Variants in GRIA3 observed in about 807,000 individuals in gnomAD.
GRIA3 encodes the protein glutamate ionotropic receptor AMPA type subunit 3.
A neutral mutation model predicts 63.0 loss-of-function variants in GRIA3; 3 were observed. The observed-to-expected ratio is 0.05, with a 90% CI of 0.02 to 0.12. The LOEUF (loss-of-function observed/expected upper bound fraction) is 0.12, where lower values mean the gene tolerates loss of function less well. GRIA3 is among the 10% of genes least tolerant of loss of function. The pLI, the probability that GRIA3 is intolerant of heterozygous loss-of-function variation, is 1.00. For missense variants in GRIA3, 347 were observed against 700.9 expected (o/e 0.50, Z 5.70); for synonymous variants, 274 against 257.9 (o/e 1.06, Z -0.60).
chrX:123,201,869 G>T (rs1394308567), intron 2 of GRIA3, among the ~76,000 whole-genome samples: 2 of 111,672 alleles, frequency 1.8e-5, no homozygotes, highest in South Asian at 3.8e-4. Flanking sequence ...AAAGTGATGG[G>T]TCGGGGGAGG....
intron 11 of GRIA3, among the ~76,000 whole-genome samples, chrX:123,422,960 T>C (rs1010821938): frequency 1.3e-4 from 15 of 112,384 alleles, no homozygotes; most frequent in African/African-American, 4.8e-4. Flanking sequence ...TATGTCTTAC[T>C]GATATTGGCT....
intron 2 of GRIA3, among the ~76,000 whole-genome samples, chrX:123,243,821 A>C (rs765453728): frequency 1.8e-5 from 2 of 111,740 alleles, no homozygotes; most frequent in East Asian, 5.7e-4. Flanking sequence ...ATGAATAAGC[A>C]AAAAATTAAA....
intron 6 of GRIA3, 80 bp downstream of exon 6, chrX:123,395,209 T>C: frequency 2.3e-6 from 2 of 851,800 alleles, no homozygotes; most frequent in Middle Eastern, 3.5e-4. Context: ...CTAACAGTCA[T>C]CTTATGATCA....
Position 123,488,809 on chromosome X carries a change from C to T in GRIA3, c.*99C>T, listed in dbSNP as rs2045954892. Reference sequence around the variant, plus strand: ...AGATTTCACTCTCCTTGGTGTCGGGCATGACACGAATATTGCTGATGGTGC... The same window carrying T: ...AGATTTCACTCTCCTTGGTGTCGGGTATGACACGAATATTGCTGATGGTGC... On this transcript the variant is annotated 3_prime_UTR_variant, in exon 16 of 16. Coordinates refer to ENST00000620443, the MANE Select transcript of GRIA3 (RefSeq NM_007325.5). The T allele has an allele frequency of 9.0e-6, 1 of 111,326 alleles. No homozygotes were observed. Among genetic ancestry groups the T allele is most frequent in the African/African-American group, 3.3e-5 (1 of 30,500 alleles). The allele number at this position is 111,326 out of a possible 1,213,427, so 9.2% of individuals were successfully genotyped here. A position where few individuals can be genotyped will look rare whatever the true frequency, so the allele number is the denominator to read the frequency against.
intron 2 of GRIA3, among the ~76,000 whole-genome samples, chrX:123,216,707 C>T: frequency 8.9e-6 from 1 of 111,944 alleles, no homozygotes; most frequent in Admixed American, 9.4e-5. Context: ...TTAAAGAAGG[C>T]TCTACGAATA....
At chrX:123,311,999 T>C (rs1435102302) in intron 3 of GRIA3, among the ~76,000 whole-genome samples, 1 of 112,148 alleles carries the variant, frequency 8.9e-6, no homozygotes, top group Non-Finnish European at 1.9e-5. Flanking sequence ...TTTCCTCACC[T>C]GGTTATTTGG....
chrX:123,411,989 C>T (rs1390666820), intron 10 of GRIA3, among the ~76,000 whole-genome samples: 4 of 111,687 alleles, frequency 3.6e-5, no homozygotes, highest in Non-Finnish European at 7.5e-5. Context: ...TTCACCTACT[C>T]CCTAACCCCA....
At chrX:123,374,033 T>C (rs764693152) in intron 5 of GRIA3, among the ~76,000 whole-genome samples, 3 of 111,882 alleles carry the variant, frequency 2.7e-5, no homozygotes, top group African/African-American at 3.3e-5. Context: ...AATTTTTGTA[T>C]AGGGTGTAAG....
intron 12 of GRIA3, among the ~76,000 whole-genome samples, chrX:123,452,041 C>T (rs1213445861): frequency 1.8e-5 from 2 of 111,825 alleles, no homozygotes; most frequent in African/African-American, 3.3e-5. Context: ...ATATAATGCA[C>T]GAAGCACCAT....
At chrX:123,257,926 A>G (rs2044428988) in intron 3 of GRIA3, among the ~76,000 whole-genome samples, 1 of 112,373 alleles carries the variant, frequency 8.9e-6, no homozygotes, top group East Asian at 2.8e-4. Context: ...TCTGCAGACG[A>G]AAGTCTGATT....
chrX:123,433,792 C>T (rs1335617577), intron 12 of GRIA3, among the ~76,000 whole-genome samples: 1 of 112,160 alleles, frequency 8.9e-6, no homozygotes, highest in Non-Finnish European at 1.9e-5. Context: ...GGGGACTGTC[C>T]TGCCTCGTGA....
chrX:123,228,005 G>A (rs2044256834), intron 2 of GRIA3, among the ~76,000 whole-genome samples: 1 of 112,259 alleles, frequency 8.9e-6, no homozygotes. Context: ...CCATTTTGGA[G>A]ACTGGAGCCT....
At chrX:123,483,689 T>C (rs752528607) in intron 15 of GRIA3, among the ~76,000 whole-genome samples, 1 of 112,185 alleles carries the variant, frequency 8.9e-6, no homozygotes, top group Non-Finnish European at 1.9e-5. Context: ...TCCCAGCACT[T>C]TGGGAGGCTG....
chrX:123,362,204 G>C (rs746345063), intron 5 of GRIA3, among the ~76,000 whole-genome samples: 1 of 111,600 alleles, frequency 9.0e-6, no homozygotes, highest in Non-Finnish European at 1.9e-5. Flanking sequence ...AGAGTGTATT[G>C]TCCTTAAGAA....
At chrX:123,207,690 C>G (rs1927928509) in intron 2 of GRIA3, among the ~76,000 whole-genome samples, 1 of 111,866 alleles carries the variant, frequency 8.9e-6, no homozygotes, top group Admixed American at 9.5e-5. Flanking sequence ...TGTGTCACCA[C>G]CATTAAGATT....
chrX:123,317,600 C>T (rs1157149605), intron 3 of GRIA3, among the ~76,000 whole-genome samples: 1 of 112,065 alleles, frequency 8.9e-6, no homozygotes, highest in Non-Finnish European at 1.9e-5. Context: ...TTTAAAGCTC[C>T]AAAATGATCT....
chrX:123,306,866 G>A (rs760175564), intron 3 of GRIA3, among the ~76,000 whole-genome samples: 50 of 111,787 alleles, frequency 4.5e-4, no homozygotes, highest in African/African-American at 1.6e-3. Flanking sequence ...ACCATTTTCT[G>A]AAAATAATTC....
At chrX:123,201,460 A>G (rs546139853) in intron 2 of GRIA3, among the ~76,000 whole-genome samples, 2 of 111,730 alleles carry the variant, frequency 1.8e-5, no homozygotes, top group Admixed American at 1.9e-4. Flanking sequence ...TGAGCCTGGG[A>G]AGATATTTTT....
chrX:123,326,089 G>A lies in GRIA3; in HGVS notation c.572G>A (p.Arg191Lys). 8.3e-7 allele frequency: 1 copy of A among 1,208,153 alleles called. No homozygotes were observed. Among genetic ancestry groups the A allele is most frequent in the Non-Finnish European group, 1.1e-6 (1 of 892,180 alleles). Reference protein sequence around the residue: ...AVQNNWQVTARSVGNIKDVQE... With the variant: ...AVQNNWQVTAKSVGNIKDVQE... ...CAAAACAACTGGCAAGTAACAGCAA[G>A]GTCTGTGGGAAACATAAAGGACGTC... The change falls in exon 4 of 16, where the codon AGG becomes AAG. Residue 191 changes from arginine to lysine, a missense_variant. Arg to Lys is a conservative substitution (Grantham distance 26). Coordinates refer to ENST00000620443, the MANE Select transcript of GRIA3 (RefSeq NM_007325.5).
Sources: allele counts gnomAD v4.1 joint callset (sites outside exome capture counted in the v4.1 genomes callset), GRCh38; gene constraint gnomAD v4.1.1; transcripts MANE v1.5; gene names NCBI Gene and HGNC (gene_info 2026-07-23, HGNC 2026-07-21).